Variants in IGFL2 observed in about 807,000 individuals in gnomAD.
IGFL2 encodes insulin growth factor-like family member 2.
A neutral mutation model predicts 13.9 loss-of-function variants in IGFL2; 7 were observed. That is an observed-to-expected ratio of 0.51 (90% CI 0.29 to 0.95). The LOEUF (loss-of-function observed/expected upper bound fraction) is 0.95. Ranked by LOEUF, IGFL2 falls within the 40% of genes least tolerant of loss-of-function variation. The pLI, the probability that IGFL2 is intolerant of heterozygous loss-of-function variation, is 0.08. For synonymous variants in IGFL2, 55 were observed against 55.8 expected (o/e 0.99, Z 0.07); for missense variants, 138 against 147.8 (o/e 0.93, Z 0.34).
At chr19:46,082,657 C>T in the IGFL2 span, among the ~76,000 whole-genome samples, 2 of 151,334 alleles carry the variant, frequency 1.3e-5, no homozygotes, top group Admixed American at 1.3e-4. Flanking sequence ...AGACACTCCA[C>T]TCTGTCACGC....
At chr19:46,124,715 C>CCCATT in the IGFL2 span, 2 of 1,392,366 alleles carry the variant, frequency 1.4e-6, no homozygotes, top group Non-Finnish European at 2.0e-6. Flanking sequence ...TGGAGACAGC[C>CCCATT]TAAATGGGGT....
intron 1 of IGFL2, among the ~76,000 whole-genome samples, chr19:46,153,476 G>C (rs1973624134): frequency 6.6e-6 from 1 of 152,042 alleles, no homozygotes; most frequent in African/African-American, 2.4e-5. Flanking sequence ...GTGTTTGTAT[G>C]TCTTCTTTTG....
At chr19:46,093,232 G>C in the IGFL2 span, among the ~76,000 whole-genome samples, 1 of 152,062 alleles carries the variant, frequency 6.6e-6, no homozygotes, top group Non-Finnish European at 1.5e-5. Flanking sequence ...GAAAATCTCA[G>C]CTTTATAAAA....
At chr19:46,149,198 C>T (rs1361398314) in intron 1 of IGFL2, among the ~76,000 whole-genome samples, 1 of 149,988 alleles carries the variant, frequency 6.7e-6, no homozygotes, top group Non-Finnish European at 1.5e-5. Flanking sequence ...TTCTCTCTCC[C>T]TCTCTTTCTC....
the IGFL2 span, among the ~76,000 whole-genome samples, chr19:46,127,327 G>A: frequency 6.6e-6 from 1 of 152,162 alleles, no homozygotes; most frequent in African/African-American, 2.4e-5. Context: ...AATCCAGCCT[G>A]GGTGACTGAG....
the IGFL2 span, among the ~76,000 whole-genome samples, chr19:46,115,804 A>G: frequency 6.6e-5 from 10 of 152,214 alleles, no homozygotes; most frequent in Non-Finnish European, 2.9e-5. Context: ...ATGAATGAGT[A>G]GAGCCACTTA....
chr19:46,123,328 A>C, the IGFL2 span, among the ~76,000 whole-genome samples: 586 of 151,030 alleles, frequency 3.9e-3, 36 homozygotes, highest in African/African-American at 0.014. Context: ...AAACAAAAGG[A>C]CTACTTAAAC....
the IGFL2 span, among the ~76,000 whole-genome samples, chr19:46,087,832 T>G: frequency 0.021 from 3,194 of 152,268 alleles, 117 homozygotes; most frequent in African/African-American, 0.072. Context: ...TCCAGGGATA[T>G]CGGGATGTGA....
At chr19:46,202,204 G>A in the IGFL2 span, among the ~76,000 whole-genome samples, 1 of 152,196 alleles carries the variant, frequency 6.6e-6, no homozygotes, top group Non-Finnish European at 1.5e-5. Context: ...AGGAACTGAT[G>A]TGTAAAAGGA....
chr19:46,131,912 C>G, the IGFL2 span, among the ~76,000 whole-genome samples: 33 of 152,170 alleles, frequency 2.2e-4, no homozygotes, highest in Non-Finnish European at 4.1e-4. Flanking sequence ...GCACTCCAGC[C>G]TGGGGAGCAG....
the IGFL2 span, chr19:46,212,941 C>G: frequency 1.3e-5 from 2 of 152,260 alleles, no homozygotes; most frequent in East Asian, 1.9e-4. Flanking sequence ...TCCACTCCCA[C>G]CTTCCAAACC....
At chr19:46,166,503 T>G in the IGFL2 span, among the ~76,000 whole-genome samples, 126 of 152,226 alleles carry the variant, frequency 8.3e-4, 2 homozygotes, top group Middle Eastern at 0.017. Context: ...CTAATGAAGT[T>G]TTAGGCACCA....
At chr19:46,081,471 G>A in the IGFL2 span, among the ~76,000 whole-genome samples, 1 of 152,090 alleles carries the variant, frequency 6.6e-6, no homozygotes, top group Non-Finnish European at 1.5e-5. Flanking sequence ...ACTCGTGTCC[G>A]CTTTCTGGTC....
chr19:46,161,290 C>T (rs1974154148), downstream of IGFL2: 1 of 459,638 alleles, frequency 2.2e-6, no homozygotes, highest in Non-Finnish European at 3.9e-6. Flanking sequence ...TTCCAATGTA[C>T]ACACCTGTAC....
At chr19:46,124,762 T>C in the IGFL2 span, 3 of 867,100 alleles carry the variant, frequency 3.5e-6, 1 homozygote, top group East Asian at 7.5e-5. Flanking sequence ...ATTGGATGGC[T>C]GCTGATCATG....
the IGFL2 span, chr19:46,137,536 G>A: frequency 9.3e-7 from 1 of 1,080,916 alleles, no homozygotes; most frequent in South Asian, 1.2e-5. Context: ...GAAGGTCCAA[G>A]GGAATGTCCA....
At chr19:46,132,950 G>C in the IGFL2 span, among the ~76,000 whole-genome samples, 1 of 151,970 alleles carries the variant, frequency 6.6e-6, no homozygotes. Context: ...GGAGAGGAGA[G>C]ACAAGGCACC....
At chr19:46,169,658 G>A in the IGFL2 span, among the ~76,000 whole-genome samples, 1 of 152,006 alleles carries the variant, frequency 6.6e-6, no homozygotes, top group Non-Finnish European at 1.5e-5. Context: ...AACCACCCTG[G>A]CCAACAAGGA....
chr19:46,094,714 G>T, the IGFL2 span, among the ~76,000 whole-genome samples: 4 of 151,900 alleles, frequency 2.6e-5, no homozygotes, highest in Non-Finnish European at 4.4e-5. Flanking sequence ...AGTGTGTGTT[G>T]TTCCCCTCTC....
Sources: gnomAD v4.1 joint callset for allele counts (sites outside exome capture counted in the v4.1 genomes callset) on GRCh38, gnomAD v4.1.1 for gene constraint, MANE v1.5 for transcripts, NCBI Gene and HGNC (gene_info 2026-07-23, HGNC 2026-07-21) for gene names.